Variants in ALCAM observed in about 807,000 individuals in gnomAD.
ALCAM encodes activated leukocyte cell adhesion molecule.
ALCAM carries 30 observed loss-of-function variants against 70.9 expected under a neutral mutation model. The observed-to-expected ratio is 0.42, with a 90% CI of 0.32 to 0.57. The LOEUF (loss-of-function observed/expected upper bound fraction) is 0.57. ALCAM is among the 20% of genes least tolerant of loss of function. The probability of loss-of-function intolerance (pLI) is 0.11; values close to 1 mark genes in which losing one functional copy is unlikely to be tolerated. For missense variants in ALCAM, 591 were observed against 695.1 expected, an observed-to-expected ratio of 0.85 and a Z score of 1.68; for synonymous variants, 249 against 242.5, an observed-to-expected ratio of 1.03 and a Z score of -0.25.
chr3:105,425,541 A>C (rs1936768577), intron 1 of ALCAM, among the ~76,000 whole-genome samples: 1 of 151,842 alleles, frequency 6.6e-6, no homozygotes, highest in Non-Finnish European at 1.5e-5. Flanking sequence ...TTGCACTGTA[A>C]AAATCATATA....
At chr3:105,525,403 C>A (rs1210081784) in intron 3 of ALCAM, 5 of 958,856 alleles carry the variant, frequency 5.2e-6, no homozygotes, top group Non-Finnish European at 6.2e-6. Context: ...AGTCCCGCCT[C>A]TATTACTTCA....
intron 12 of ALCAM, among the ~76,000 whole-genome samples, chr3:105,551,771 A>G (rs747577295): frequency 1.1e-4 from 16 of 151,604 alleles, no homozygotes; most frequent in Non-Finnish European, 1.9e-4. Context: ...GAAAGTTGAG[A>G]AAAGTTGATA....
intron 1 of ALCAM, among the ~76,000 whole-genome samples, chr3:105,455,146 A>G (rs1211457208): frequency 6.6e-6 from 1 of 152,056 alleles, no homozygotes; most frequent in Non-Finnish European, 1.5e-5. Flanking sequence ...TATGATTTGT[A>G]TAAGAAAACA....
chr3:105,542,843 T>TAA (rs562401436), intron 8 of ALCAM, among the ~76,000 whole-genome samples: 4 of 151,772 alleles, frequency 2.6e-5, no homozygotes, highest in Non-Finnish European at 5.9e-5. Flanking sequence ...AGTGGACTGT[T>TAA]ATGTTCACAG....
chr3:105,478,310 G>A (rs1938175843), intron 1 of ALCAM, among the ~76,000 whole-genome samples: 1 of 152,102 alleles, frequency 6.6e-6, no homozygotes, highest in South Asian at 2.1e-4. Context: ...GCTTCTTGGA[G>A]TCTGTTCATG....
In ALCAM at chr3:105,545,285, G is replaced by C. The variant is rs2291375; in HGVS notation, c.1054G>C (p.Val352Leu). The stretch of plus-strand genomic sequence containing the variant: ...TAGACAGATTGGTGATGCCCTACCC[G>C]TGTCATGCACAATATCTGCTAGCAG... ...VTRQIGDALP[V>L]SCTISASRNA... The change falls in exon 9 of 16, where the codon GTG becomes CTG. Residue 352 changes from valine to leucine, a missense_variant. By Grantham distance (32) the Val-to-Leu change is conservative. Coordinates refer to ENST00000306107, the MANE Select transcript of ALCAM (RefSeq NM_001627.4). The C allele has an allele frequency of 6.2e-7, 1 of 1,609,046 alleles. No homozygotes were observed. The highest frequency in any genetic ancestry group is 1.7e-5 in the Admixed American group (1 of 59,758).
chr3:105,496,094 G>A (rs1451966425), intron 1 of ALCAM, among the ~76,000 whole-genome samples: 1 of 152,092 alleles, frequency 6.6e-6, no homozygotes, highest in Non-Finnish European at 1.5e-5. Context: ...ATAAATATGA[G>A]CCGAAAAGGC....
At chr3:105,497,846 A>G (rs1288965938) in intron 1 of ALCAM, among the ~76,000 whole-genome samples, 1 of 152,066 alleles carries the variant, frequency 6.6e-6, no homozygotes, top group Admixed American at 6.6e-5. Flanking sequence ...CCTGGCTAAC[A>G]CGGTGAAACC....
intron 1 of ALCAM, among the ~76,000 whole-genome samples, chr3:105,414,530 C>T (rs940365191): frequency 3.9e-5 from 6 of 152,012 alleles, no homozygotes; most frequent in Non-Finnish European, 4.4e-5. Flanking sequence ...ATGCAAGTGA[C>T]CTAGAAAGGA....
rs76635565 is a variant in ALCAM, at chr3:105,533,637, A to T, written c.494A>T (p.Asp165Val). Residue 165 changes from aspartate (D) to valine (V), a missense_variant, in exon 5 of 16, where the codon GAT becomes GTT. Physicochemically the swap from Asp to Val is radical, Grantham distance 152 (BLOSUM62 -3). Around this residue, in one of 2 missense-constraint regions of ALCAM, gnomAD observed 427 missense variants for 450.4 expected, o/e 0.95. Transcript: ENST00000306107. ...TGCATTTCAGAAGACAGTTATCCAG[A>T]TGGCAATATCACATGGTACAGGAAT... ...GDCISEDSYP[D>V]GNITWYRNGK... is the part of the protein sequence containing the mutation. 9.6e-5 allele frequency: 154 copies of T among 1,612,154 alleles called. 1 individual carries two copies. The highest frequency in any genetic ancestry group is 1.2e-4 in the Non-Finnish European group (139 of 1,178,610).
intron 3 of ALCAM, among the ~76,000 whole-genome samples, chr3:105,528,377 C>T (rs969655608): frequency 6.6e-6 from 1 of 152,164 alleles, no homozygotes; most frequent in Non-Finnish European, 1.5e-5. Flanking sequence ...ATATTTCTTT[C>T]TGACCACTCC....
intron 1 of ALCAM, among the ~76,000 whole-genome samples, chr3:105,472,694 G>A (rs1937969263): frequency 6.6e-6 from 1 of 151,406 alleles, no homozygotes; most frequent in South Asian, 2.1e-4. Flanking sequence ...TGTACGGATT[G>A]AGATGTCTGA....
At position 105,571,980 on chromosome 3, in the gene ALCAM, G is replaced by A. The variant is rs1576248994; in HGVS notation, c.*25+16G>A. 12 of 1,418,612 alleles carry A rather than the reference G, an allele frequency of 8.5e-6. No individual in the cohort carries two copies. The highest frequency in any genetic ancestry group is 1.2e-5 in the South Asian group (1 of 80,418). The allele number at this position is 1,418,612 out of a possible 1,614,324, so 87.9% of individuals were successfully genotyped here. A position where few individuals can be genotyped will look rare whatever the true frequency, so the allele number is the denominator to read the frequency against. On this transcript the variant is annotated intron_variant, in intron 15 of 15. Coordinates refer to ENST00000306107, the MANE Select transcript of ALCAM (RefSeq NM_001627.4). ...AGTTGTCCAGGTGAGTAGTCTGTAC[G>A]AGGTTCATAGAAATAATTCCCTAGC...
chr3:105,370,302 T>C (rs890877666), intron 1 of ALCAM, among the ~76,000 whole-genome samples: 2 of 152,230 alleles, frequency 1.3e-5, no homozygotes, highest in Admixed American at 6.5e-5. Context: ...CCAATATATA[T>C]ATATTTTTTC....
At chr3:105,549,272 A>C (rs989142750) in intron 11 of ALCAM, among the ~76,000 whole-genome samples, 1 of 151,340 alleles carries the variant, frequency 6.6e-6, no homozygotes, top group Non-Finnish European at 1.5e-5. Flanking sequence ...ATACATGGTG[A>C]ATCTGTTATT....
intron 14 of ALCAM, among the ~76,000 whole-genome samples, chr3:105,554,964 A>G (rs1259281327): frequency 6.6e-6 from 1 of 151,960 alleles, no homozygotes; most frequent in Non-Finnish European, 1.5e-5. Flanking sequence ...AATTCTTTAC[A>G]TTAGGGTCAA....
At chr3:105,523,164 A>G (rs1939596582) in intron 2 of ALCAM, among the ~76,000 whole-genome samples, 1 of 148,096 alleles carries the variant, frequency 6.8e-6, no homozygotes, top group South Asian at 2.1e-4. Context: ...AAAAAAAAAA[A>G]AAGAAAGCCC....
At chr3:105,418,075 A>G (rs568338194) in intron 1 of ALCAM, among the ~76,000 whole-genome samples, 2 of 152,000 alleles carry the variant, frequency 1.3e-5, no homozygotes, top group South Asian at 2.1e-4. Flanking sequence ...ACTCACCCTG[A>G]GTAAAAAATT....
chr3:105,434,166 G>C (rs1936998920), intron 1 of ALCAM, among the ~76,000 whole-genome samples: 1 of 152,048 alleles, frequency 6.6e-6, no homozygotes, highest in African/African-American at 2.4e-5. Flanking sequence ...AAATTATTTG[G>C]TATTTATGGA....
Sources: allele counts gnomAD v4.1 joint callset (sites outside exome capture counted in the v4.1 genomes callset), GRCh38; gene constraint gnomAD v4.1.1; regional missense constraint gnomAD v4.1.1; transcripts MANE v1.5; gene names NCBI Gene and HGNC (gene_info 2026-07-23, HGNC 2026-07-21).